LPAR1: variants seen among roughly 807,000 people sequenced by gnomAD.
The protein encoded by LPAR1 is lysophosphatidic acid receptor 1.
A neutral mutation model predicts 23.8 loss-of-function variants in LPAR1; 5 were observed. The observed-to-expected ratio is 0.21, with a 90% CI of 0.11 to 0.44. The LOEUF is 0.44. Ranked by LOEUF, LPAR1 falls within the 20% of genes least tolerant of loss-of-function variation. LPAR1 has a pLI of 0.99. For synonymous variants in LPAR1, 160 were observed against 164.7 expected (o/e 0.97, Z 0.22); for missense variants, 311 against 482.8 (o/e 0.64, Z 3.33).
At chr9:110,916,834 C>G (rs891981118) in intron 5 of LPAR1, among the ~76,000 whole-genome samples, 3 of 151,026 alleles carry the variant, frequency 2.0e-5, no homozygotes, top group African/African-American at 4.9e-5. Context: ...ATTTTTTAAA[C>G]TTGGAAAAAA....
chr9:111,017,190 G>A (rs2097466577), intron 2 of LPAR1, among the ~76,000 whole-genome samples: 1 of 152,056 alleles, frequency 6.6e-6, no homozygotes, highest in Non-Finnish European at 1.5e-5. Context: ...ACCCTAAGGT[G>A]GGCCCTTGGT....
At chr9:110,904,192 T>C (rs1437636695) in intron 5 of LPAR1, among the ~76,000 whole-genome samples, 3 of 152,130 alleles carry the variant, frequency 2.0e-5, no homozygotes. Context: ...TGATGGAAGA[T>C]GGAATCATGG....
intron 5 of LPAR1, among the ~76,000 whole-genome samples, chr9:110,908,720 T>C (rs1045048087): frequency 9.9e-5 from 15 of 152,160 alleles, no homozygotes; most frequent in Non-Finnish European, 2.1e-4. Context: ...TTGCCCTTGC[T>C]GGAAAGAACT....
chr9:111,003,240 G>A (rs575310814), intron 2 of LPAR1, among the ~76,000 whole-genome samples: 80 of 152,234 alleles, frequency 5.3e-4, no homozygotes, highest in African/African-American at 1.8e-3. Context: ...TTTATATAAA[G>A]TATTTAAACC....
intron 5 of LPAR1, among the ~76,000 whole-genome samples, chr9:110,921,983 G>T (rs7047057): frequency 8.5e-5 from 13 of 152,314 alleles, no homozygotes; most frequent in East Asian, 5.8e-4. Context: ...GTCTGCAAAG[G>T]TCCAGAAGTT....
At chr9:110,993,612 T>C (rs2139790320) in intron 2 of LPAR1, among the ~76,000 whole-genome samples, 1 of 152,230 alleles carries the variant, frequency 6.6e-6, no homozygotes, top group South Asian at 2.1e-4. Flanking sequence ...AGAGAGGTTT[T>C]CAATAGAAAT....
At chr9:110,952,049 C>T (rs62573216) in intron 4 of LPAR1, among the ~76,000 whole-genome samples, 26,590 of 152,156 alleles carry the variant, frequency 0.17, 3,131 homozygotes, top group East Asian at 0.6. Context: ...TACTCACCTC[C>T]TCCACAAAGA....
chr9:110,932,946 C>T (rs1031074942), intron 5 of LPAR1, among the ~76,000 whole-genome samples: 20 of 152,204 alleles, frequency 1.3e-4, no homozygotes, highest in African/African-American at 4.8e-4. Context: ...ACTGCAGATC[C>T]ATCTGAGGGA....
chr9:110,929,690 AG>A (rs1465036831), intron 5 of LPAR1, among the ~76,000 whole-genome samples: 1 of 146,492 alleles, frequency 6.8e-6, no homozygotes, highest in East Asian at 2.0e-4. Flanking sequence ...TGTATTTCCC[AG>A]CCAATAATGT....
At chr9:111,007,504 G>T (rs2097243102) in intron 2 of LPAR1, among the ~76,000 whole-genome samples, 10 of 152,076 alleles carry the variant, frequency 6.6e-5, no homozygotes, top group Admixed American at 6.6e-4. Context: ...AAATACAAAT[G>T]ATCGATGAGC....
chr9:110,880,867 G>A (rs192614725), intron 5 of LPAR1, among the ~76,000 whole-genome samples: 99 of 152,246 alleles, frequency 6.5e-4, no homozygotes, highest in African/African-American at 2.2e-3. Context: ...CTGTAGTTAC[G>A]TTGTGATTTC....
intron 2 of LPAR1, among the ~76,000 whole-genome samples, chr9:110,995,125 T>C (rs939617030): frequency 6.6e-6 from 1 of 152,192 alleles, no homozygotes; most frequent in Non-Finnish European, 1.5e-5. Context: ...CGAGGTACCA[T>C]GTTCTTTGAA....
rs15991 is a variant in LPAR1, at chr9:110,874,099, C to T, written c.*1322G>A. On this transcript the variant is annotated 3_prime_UTR_variant, in exon 6 of 6. Transcript: ENST00000683809. ...CATGAAAGGTGTAAGTACAAGATGA[C>T]ATTTCACATTTTTTTAAAAAAAGAA... 36,775 of 152,476 alleles carry T rather than the reference C, an allele frequency of 0.24. 4,927 individuals are homozygous for T. The highest frequency in any genetic ancestry group is 0.34 in the African/African-American group (14,012 of 41,452). 9.4% of individuals were successfully genotyped at this position (152,476 alleles called of 1,614,324 possible).
chr9:110,927,154 G>A (rs539346457), intron 5 of LPAR1, among the ~76,000 whole-genome samples: 3 of 152,284 alleles, frequency 2.0e-5, no homozygotes, highest in East Asian at 3.9e-4. Flanking sequence ...AATTCAACGA[G>A]TAAGTGGCAA....
chr9:110,902,756 C>T (rs1473876668), intron 5 of LPAR1, among the ~76,000 whole-genome samples: 1 of 152,142 alleles, frequency 6.6e-6, no homozygotes, highest in African/African-American at 2.4e-5. Flanking sequence ...AAAGGCTCCA[C>T]CTGGGAAGTG....
intron 5 of LPAR1, among the ~76,000 whole-genome samples, chr9:110,912,513 G>A (rs1401680094): frequency 6.6e-6 from 1 of 152,162 alleles, no homozygotes; most frequent in African/African-American, 2.4e-5. Flanking sequence ...AAAGAGAGAA[G>A]AGGAAACACC....
intron 5 of LPAR1, among the ~76,000 whole-genome samples, chr9:110,906,915 TATAAAA>T (rs1176971239): frequency 0.037 from 5,672 of 152,186 alleles, 172 homozygotes; most frequent in Non-Finnish European, 0.046. Flanking sequence ...AAAATTATGA[TATAAAA>T]ATCCTTTATT....
chr9:110,902,644 A>T (rs990821700), intron 5 of LPAR1, among the ~76,000 whole-genome samples: 7 of 152,132 alleles, frequency 4.6e-5, no homozygotes, highest in African/African-American at 1.7e-4. Context: ...CCATAAGAAG[A>T]CAGGAAAGCA....
chr9:110,964,904 C>G (rs2096151200), intron 4 of LPAR1, among the ~76,000 whole-genome samples: 2 of 130,868 alleles, frequency 1.5e-5, no homozygotes, highest in South Asian at 5.1e-4. Flanking sequence ...CACTGTTTCA[C>G]CTAGGCTGGA....
Sources: gnomAD v4.1 joint callset for allele counts (sites outside exome capture counted in the v4.1 genomes callset) on GRCh38, gnomAD v4.1.1 for gene constraint, MANE v1.5 for transcripts, NCBI Gene and HGNC (gene_info 2026-07-23, HGNC 2026-07-21) for gene names.